ZNF385D: variants seen among roughly 807,000 people sequenced by gnomAD.
ZNF385D encodes zinc finger protein 385D, also known as zinc finger protein 659.
In ZNF385D, 15 loss-of-function variants were observed where a neutral mutation model predicts 35.8. The ratio of observed to expected loss-of-function variants is 0.42; its 90% CI spans 0.28 to 0.64. The LOEUF (loss-of-function observed/expected upper bound fraction) is 0.64. ZNF385D is among the 30% of genes least tolerant of loss of function. The pLI is 0.23. For missense variants in ZNF385D, 474 were observed against 494.6 expected (o/e 0.96, Z 0.39); for synonymous variants, 212 against 186.8 (o/e 1.13, Z -1.10).
chr3:22,037,590 T>G (rs1269243862), intron 3 of ZNF385D, among the ~76,000 whole-genome samples: 1 of 152,278 alleles, frequency 6.6e-6, no homozygotes, highest in South Asian at 2.1e-4. Context: ...TGGAGTTCAT[T>G]GTAGATTCTG....
chr3:21,688,885 T>C (rs1230098769), intron 1 of ZNF385D, among the ~76,000 whole-genome samples: 7 of 152,200 alleles, frequency 4.6e-5, no homozygotes, highest in Admixed American at 2.0e-4. Context: ...TATGAAATTA[T>C]TATAATGTGC....
upstream of ZNF385D, among the ~76,000 whole-genome samples, chr3:21,752,795 C>T (rs974287579): frequency 7.9e-5 from 12 of 152,022 alleles, no homozygotes; most frequent in East Asian, 1.9e-4. Flanking sequence ...AACAATGTTA[C>T]GGGAAAGTAT....
chr3:22,203,406 A>G (rs1043177402), intron 2 of ZNF385D, among the ~76,000 whole-genome samples: 1 of 152,148 alleles, frequency 6.6e-6, no homozygotes, highest in African/African-American at 2.4e-5. Context: ...TAGTACACAC[A>G]GTGGGCTATA....
At chr3:21,832,843 C>T (rs1324800000) in intron 3 of ZNF385D, among the ~76,000 whole-genome samples, 1 of 152,154 alleles carries the variant, frequency 6.6e-6, no homozygotes, top group Non-Finnish European at 1.5e-5. Context: ...ATATTTTCTT[C>T]TGCTTAACAC....
intron 1 of ZNF385D, among the ~76,000 whole-genome samples, chr3:21,732,904 G>A (rs147819312): frequency 1.3e-3 from 195 of 152,204 alleles, no homozygotes; most frequent in East Asian, 6.6e-3. Context: ...ATGAAGTCCC[G>A]CTTATCAATT....
Position 21,559,352 on chromosome 3 carries a change from C to T in ZNF385D, c.276+5222G>A, listed in dbSNP as rs2062856688. ...GCTTTCTTCAGGAGCTCTTGTAAGG[C>T]AGGCCGGGTGGTGACAAAATCTCTT... On this transcript the variant is annotated intron_variant, in intron 3 of 7. Transcript: ENST00000281523. Among the ~76,000 whole-genome samples the T allele has an allele frequency of 2.6e-5, 4 of 152,160 alleles. No individual in the cohort carries two copies. In the South Asian group the frequency reaches 8.3e-4, roughly 32 times the overall value.
intron 3 of ZNF385D, among the ~76,000 whole-genome samples, chr3:22,150,665 TTAAGA>T (rs1412801314): frequency 1.3e-5 from 2 of 152,196 alleles, no homozygotes; most frequent in East Asian, 1.9e-4. Flanking sequence ...AGGATAGTAG[TTAAGA>T]TATCTTATCT....
At chr3:21,553,148 A>G (rs745790889) in intron 3 of ZNF385D, among the ~76,000 whole-genome samples, 2 of 152,194 alleles carry the variant, frequency 1.3e-5, no homozygotes, top group Non-Finnish European at 2.9e-5. Flanking sequence ...CAGAAATAAC[A>G]TGAGCCTGTA....
rs1278083626 is a variant in ZNF385D at position 21,420,505 on chromosome 3, C to T, written c.*709G>A. ...ATCTCTAAGCTTAGCCCTGTTATAT[C>T]TTCAAGCTAGACAGGAGGGGAGAAT... On this transcript the variant is annotated 3_prime_UTR_variant, in exon 8 of 8. Coordinates refer to ENST00000281523, the MANE Select transcript of ZNF385D (RefSeq NM_024697.3). 1 of 152,190 alleles carries T rather than the reference C, an allele frequency of 6.6e-6. No individual in the cohort carries two copies. The highest frequency in any genetic ancestry group is 1.9e-4 in the East Asian group (1 of 5,192). 9.4% of individuals were successfully genotyped at this position (152,190 alleles called of 1,614,324 possible).
chr3:22,216,225 T>A (rs1260880729), intron 2 of ZNF385D, among the ~76,000 whole-genome samples: 1 of 152,130 alleles, frequency 6.6e-6, no homozygotes, highest in Admixed American at 6.6e-5. Flanking sequence ...ATAAAACATT[T>A]TTATACTCAA....
chr3:21,796,404 C>T (rs2072152994), intron 3 of ZNF385D, among the ~76,000 whole-genome samples: 1 of 152,138 alleles, frequency 6.6e-6, no homozygotes, highest in African/African-American at 2.4e-5. Flanking sequence ...ATTGGCAAAT[C>T]TAATCCAAAA....
chr3:21,604,690 A>G (rs1427455332), intron 2 of ZNF385D, among the ~76,000 whole-genome samples: 1 of 152,170 alleles, frequency 6.6e-6, no homozygotes, highest in Non-Finnish European at 1.5e-5. Flanking sequence ...GAAGGTAATT[A>G]GTAGAATAAG....
At position 21,683,390 on chromosome 3, in the gene ZNF385D, G is replaced by A. The variant is rs143399231; in HGVS notation, c.23-18362C>T. 8.0e-4 allele frequency among the ~76,000 whole-genome samples: 120 copies of A among 149,808 alleles called. 3 individuals carry two copies. The highest frequency in any genetic ancestry group is 2.8e-3 in the African/African-American group (113 of 40,744). Reference sequence around the variant, plus strand: ...TCCCAGCACTTTGGGAGGCCGAGTTGGGTGGATCACGAGGTCAGGAGATCA... The same window carrying A: ...TCCCAGCACTTTGGGAGGCCGAGTTAGGTGGATCACGAGGTCAGGAGATCA... On this transcript the variant is annotated intron_variant, in intron 1 of 7. Coordinates refer to ENST00000281523, the MANE Select transcript of ZNF385D (RefSeq NM_024697.3).
chr3:22,206,261 G>A (rs575406118), intron 2 of ZNF385D, among the ~76,000 whole-genome samples: 1 of 151,946 alleles, frequency 6.6e-6, no homozygotes, highest in Admixed American at 6.6e-5. Context: ...ATCCAACACT[G>A]GAACACCCAG....
At chr3:21,621,907 G>A (rs187669343) in intron 2 of ZNF385D, among the ~76,000 whole-genome samples, 21 of 150,316 alleles carry the variant, frequency 1.4e-4, no homozygotes, top group Admixed American at 1.0e-3. Context: ...GTGCACGCAC[G>A]TGTGTGCTTT....
chr3:21,446,330 T>G (rs7640925), intron 4 of ZNF385D, among the ~76,000 whole-genome samples: 98,095 of 151,812 alleles, frequency 0.65, 31,978 homozygotes, highest in African/African-American at 0.72. Context: ...GTCCTTGTTT[T>G]CCTGAGGGAA....
At chr3:21,927,258 G>C (rs536745621) in intron 3 of ZNF385D, among the ~76,000 whole-genome samples, 14 of 150,700 alleles carry the variant, frequency 9.3e-5, no homozygotes, top group African/African-American at 1.7e-4. Context: ...GCAGAACCAT[G>C]AGCCAAATAA....
At chr3:21,663,990 T>C (rs577428989) in intron 2 of ZNF385D, among the ~76,000 whole-genome samples, 14 of 146,034 alleles carry the variant, frequency 9.6e-5, no homozygotes, top group African/African-American at 2.8e-4. Flanking sequence ...TCACTGGACA[T>C]TGAGTGACCT....
intron 3 of ZNF385D, among the ~76,000 whole-genome samples, chr3:21,542,122 G>C (rs776475480): frequency 6.6e-6 from 1 of 152,026 alleles, no homozygotes; most frequent in African/African-American, 2.4e-5. Context: ...ATAAGAACAA[G>C]TTTCTAGGTC....
Sources: gnomAD v4.1 joint callset for allele counts (sites outside exome capture counted in the v4.1 genomes callset) on GRCh38, gnomAD v4.1.1 for gene constraint, MANE v1.5 for transcripts, NCBI Gene and HGNC (gene_info 2026-07-23, HGNC 2026-07-21) for gene names.